Variants in EPS15 observed in about 807,000 individuals in gnomAD.
EPS15 encodes epidermal growth factor receptor pathway substrate 15.
In EPS15, 72 loss-of-function variants were observed where a neutral mutation model predicts 113.8. The ratio of observed to expected loss-of-function variants is 0.63; its 90% CI spans 0.52 to 0.77. EPS15 has a LOEUF of 0.77. Among genes scored for constraint, EPS15 ranks in the 30% least tolerant of loss-of-function variants. The pLI is 0.00. For missense variants in EPS15, 1,048 were observed against 1,045.8 expected, an observed-to-expected ratio of 1.00 and a Z score of -0.03; for synonymous variants, 344 against 363.4, an observed-to-expected ratio of 0.95 and a Z score of 0.61.
chr1:51,400,230 A>T (rs1463663775), intron 19 of EPS15, among the ~76,000 whole-genome samples: 2 of 152,222 alleles, frequency 1.3e-5, no homozygotes, highest in Non-Finnish European at 2.9e-5. Flanking sequence ...ATTCTTCAAG[A>T]TTCTCTGCCT....
At chr1:51,444,795 T>C in intron 11 of EPS15, 94 bp downstream of exon 11, 2 of 1,247,106 alleles carry the variant, frequency 1.6e-6, no homozygotes, top group Non-Finnish European at 1.1e-6. Flanking sequence ...CAGATACATT[T>C]TCTCTTCTAT....
chr1:51,384,770 T>C (rs1647024897), intron 21 of EPS15, among the ~76,000 whole-genome samples: 1 of 152,160 alleles, frequency 6.6e-6, no homozygotes, highest in African/African-American at 2.4e-5. Context: ...TGGAACAGAA[T>C]ACAGAATCCA....
At chr1:51,439,172 G>A (rs1288076891) in intron 12 of EPS15, among the ~76,000 whole-genome samples, 1 of 152,054 alleles carries the variant, frequency 6.6e-6, no homozygotes, top group African/African-American at 2.4e-5. Context: ...TGGAGAGCAA[G>A]AGAACTGATT....
At chr1:51,356,953 A>G in intron 24 of EPS15, 107 bp from the exon 25 acceptor site, 7 of 862,854 alleles carry the variant, frequency 8.1e-6, no homozygotes, top group Non-Finnish European at 1.2e-5. Flanking sequence ...CTCTGGAAAT[A>G]GTCTGGTTAC....
chr1:51,408,210 C>G lies in EPS15; in HGVS notation c.1398G>C (p.Glu466Asp). ...ACTGAGCCTTCCCTGACTCTACACTCTCCTCCAATTCTGCTGTTTCTTGCT... is the reference window on the plus strand; with the variant it reads ...ACTGAGCCTTCCCTGACTCTACACTGTCCTCCAATTCTGCTGTTTCTTGCT... ...RLQQETAELE[E>D]SVESGKAQLE... Residue 466 changes from glutamate to aspartate, a missense_variant, in exon 15 of 25, where the codon GAG (glutamate) becomes GAC (aspartate). Physicochemically the swap from Glu to Asp is conservative, Grantham distance 45. Transcript: ENST00000371733. 6.2e-7 allele frequency: 1 copy of G among 1,614,138 alleles called. No homozygotes were observed. The highest frequency in any genetic ancestry group is 8.5e-7 in the Non-Finnish European group (1 of 1,179,984).
At chr1:51,413,461 A>T (rs1157039727) in intron 13 of EPS15, among the ~76,000 whole-genome samples, 1 of 152,218 alleles carries the variant, frequency 6.6e-6, no homozygotes, top group Non-Finnish European at 1.5e-5. Flanking sequence ...CTATCATAGG[A>T]TTTTAGTATG....
chr1:51,468,525 C>T lies in EPS15; in HGVS notation c.257G>A (p.Gly86Glu). 1.2e-6 allele frequency: 2 copies of T among 1,613,768 alleles called. No homozygotes were observed. The highest frequency in any genetic ancestry group is 1.7e-6 in the Non-Finnish European group (2 of 1,179,752). Residue 86 changes from glycine (G) to glutamate (E), a missense_variant, in exon 5 of 25, where the codon GGA becomes GAA. Gly to Glu is a moderately conservative substitution (Grantham distance 98). Transcript: ENST00000371733. ...CAAACTACTTAGTGAAACTTCCAAT[C>T]CATTCTGGGCACATGCCACAAGACG... ...ALRLVACAQN[G>E]LEVSLSSLNL...
At chr1:51,477,309 T>G (rs1333370668) in intron 2 of EPS15, among the ~76,000 whole-genome samples, 1 of 152,132 alleles carries the variant, frequency 6.6e-6, no homozygotes, top group Non-Finnish European at 1.5e-5. Flanking sequence ...ATCCCCTTTA[T>G]CATTTTTTAT....
At chr1:51,466,159 T>C (rs550691363) in intron 5 of EPS15, among the ~76,000 whole-genome samples, 2 of 150,174 alleles carry the variant, frequency 1.3e-5, no homozygotes, top group South Asian at 4.2e-4. Flanking sequence ...AATAGATCAA[T>C]AGGTAAGAAC....
At chr1:51,429,884 C>T (rs939588031) in intron 12 of EPS15, among the ~76,000 whole-genome samples, 6 of 152,102 alleles carry the variant, frequency 3.9e-5, no homozygotes, top group African/African-American at 1.4e-4. Context: ...CTCCTGACCT[C>T]AGGTGATCCA....
intron 21 of EPS15, among the ~76,000 whole-genome samples, chr1:51,392,099 A>C (rs746115199): frequency 9.4e-4 from 143 of 152,324 alleles, no homozygotes; most frequent in Non-Finnish European, 1.2e-4. Flanking sequence ...ACACAATATT[A>C]AGAGGTTGAG....
At position 51,409,400 on chromosome 1, in the gene EPS15, G is replaced by A. The variant is rs569713171; in HGVS notation, c.1275+135C>T. ...ATTTCTGGATGAACCTTGCTCCATC[G>A]CCCCCATGAACCCAAATGCTGACTG... On this transcript the variant is annotated intron_variant, in intron 14 of 24. Transcript: ENST00000371733. 8.6e-4 allele frequency: 615 copies of A among 711,342 alleles called. 1 individual carries two copies. The highest frequency in any genetic ancestry group is 1.5e-3 in the Middle Eastern group (6 of 4,094). The allele number at this position is 711,342 out of a possible 1,614,324, so 44.1% of individuals were successfully genotyped here.
At chr1:51,444,463 A>G (rs542953202) in intron 11 of EPS15, among the ~76,000 whole-genome samples, 1 of 152,356 alleles carries the variant, frequency 6.6e-6, no homozygotes, top group Non-Finnish European at 1.5e-5. Flanking sequence ...GGCTTTTTTG[A>G]TGTAAAATTG....
At chr1:51,460,433 A>G (rs1570354634) in intron 8 of EPS15, among the ~76,000 whole-genome samples, 1 of 152,340 alleles carries the variant, frequency 6.6e-6, no homozygotes, top group East Asian at 1.9e-4. Flanking sequence ...TTTAAATGAA[A>G]TAAAAGGAAA....
rs148284254 is a variant in EPS15, at chr1:51,472,921, A to G, written c.103T>C (p.Leu35=). 1.2e-5 allele frequency: 20 copies of G among 1,613,690 alleles called. No homozygotes were observed. In the African/African-American group the frequency reaches 2.1e-4, roughly 17 times the overall value. ...QVDTGNTGRV[L]ASDAAAFLKK... Reference sequence around the variant, plus strand: ...AGGAAAGCAGCAGCATCAGAAGCCAACACCCTTCCAGTATTGCCTGTATCA... The same window carrying G: ...AGGAAAGCAGCAGCATCAGAAGCCAGCACCCTTCCAGTATTGCCTGTATCA... The change falls in exon 3 of 25, where the codon TTG becomes CTG. Residue 35 remains leucine (L), a synonymous_variant. Coordinates refer to ENST00000371733, the MANE Select transcript of EPS15 (RefSeq NM_001981.3).
chr1:51,377,823 C>T (rs535114823), intron 21 of EPS15, among the ~76,000 whole-genome samples: 1 of 152,188 alleles, frequency 6.6e-6, no homozygotes, highest in South Asian at 2.1e-4. Context: ...CAGTCGGCAG[C>T]CACCAATATC....
chr1:51,421,696 A>G (rs887367680), intron 13 of EPS15, 90 bp downstream of exon 13: 109 of 683,974 alleles, frequency 1.6e-4, no homozygotes, highest in South Asian at 2.4e-4. Flanking sequence ...TTGACCTAAT[A>G]CTACATCCAG....
chr1:51,361,063 G>C, intron 24 of EPS15, 108 bp downstream of exon 24: 1 of 800,846 alleles, frequency 1.2e-6, no homozygotes. Context: ...ATCATTTTTA[G>C]TATCTTGGTA....
intron 1 of EPS15, among the ~76,000 whole-genome samples, chr1:51,491,420 A>G (rs1346450883): frequency 1.3e-5 from 2 of 152,210 alleles, no homozygotes; most frequent in African/African-American, 4.8e-5. Context: ...CCAAGAGTCT[A>G]TGTTTTTATA....
Sources: allele counts gnomAD v4.1 joint callset (sites outside exome capture counted in the v4.1 genomes callset), GRCh38; gene constraint gnomAD v4.1.1; transcripts MANE v1.5; gene names NCBI Gene and HGNC (gene_info 2026-07-23, HGNC 2026-07-21).